The following NBEA variants were observed in gnomAD, a reference collection of about 807,000 sequenced individuals.
NBEA encodes the protein neurobeachin.
Under a neutral mutation model 343.4 loss-of-function variants are expected in NBEA, and 44 were observed. That is an observed-to-expected ratio of 0.13 (90% CI 0.10 to 0.16). The LOEUF is 0.16. NBEA is among the 10% of genes least tolerant of loss of function. NBEA has a pLI of 1.00. For missense variants in NBEA, 2,555 were observed against 3,631.3 expected (o/e 0.70, Z 7.62); for synonymous variants, 1,175 against 1,238.7 (o/e 0.95, Z 1.08).
At chr13:35,373,358 G>C (rs989126350) in intron 38 of NBEA, among the ~76,000 whole-genome samples, 2 of 152,114 alleles carry the variant, frequency 1.3e-5, no homozygotes, top group African/African-American at 4.8e-5. Flanking sequence ...AATGTTATAT[G>C]TGTTATATAC....
chr13:35,549,094 G>A (rs1267590408), intron 41 of NBEA, among the ~76,000 whole-genome samples: 1 of 152,160 alleles, frequency 6.6e-6, no homozygotes, highest in Non-Finnish European at 1.5e-5. Flanking sequence ...CAAGAGTTAA[G>A]TAGGAGTCTG....
intron 38 of NBEA, among the ~76,000 whole-genome samples, chr13:35,393,456 T>A (rs1413136088): frequency 2.0e-5 from 3 of 152,158 alleles, no homozygotes. Flanking sequence ...TCCTTTGGTA[T>A]GCTTTTTTCT....
chr13:35,441,274 C>T (rs2045724500), intron 39 of NBEA, among the ~76,000 whole-genome samples: 2 of 152,082 alleles, frequency 1.3e-5, no homozygotes, highest in African/African-American at 2.4e-5. Context: ...TTTATTGTCT[C>T]CATTTATTTT....
At chr13:35,288,550 T>C (rs1257237404) in intron 34 of NBEA, among the ~76,000 whole-genome samples, 1 of 151,972 alleles carries the variant, frequency 6.6e-6, no homozygotes, top group Non-Finnish European at 1.5e-5. Context: ...AAAGCATTAA[T>C]GAAGCATTTG....
chr13:35,156,097 G>A lies in NBEA; in HGVS notation c.2542G>A (p.Val848Met). The part of the protein sequence containing the change: ...KIQNPMILKV[V>M]ATLLKNSTPS... Reference sequence around the variant, plus strand: ...TTTGTTTACAGTGATTCTTAAAGTGGTGGCAACTTTGTTAAAAAACTCTAC... The same window carrying A: ...TTTGTTTACAGTGATTCTTAAAGTGATGGCAACTTTGTTAAAAAACTCTAC... The change falls in exon 20 of 59, where the codon GTG becomes ATG. Residue 848 changes from valine (V) to methionine (M), a missense_variant. Physicochemically the swap from Val to Met is conservative, Grantham distance 21 (BLOSUM62 1). Transcript: ENST00000379939. 3 of 1,582,096 alleles carry A rather than the reference G, an allele frequency of 1.9e-6. No homozygotes were observed. Among genetic ancestry groups the A allele is most frequent in the Non-Finnish European group, 2.6e-6 (3 of 1,169,256 alleles).
intron 35 of NBEA, among the ~76,000 whole-genome samples, chr13:35,308,528 ATATG>A (rs1420409135): frequency 8.0e-6 from 1 of 124,990 alleles, no homozygotes; most frequent in African/African-American, 3.0e-5. Flanking sequence ...ATATGTATAT[ATATG>A]TATATATGTA....
chr13:35,544,348 CA>C (rs1203104905), intron 41 of NBEA, among the ~76,000 whole-genome samples: 1 of 151,334 alleles, frequency 6.6e-6, no homozygotes, highest in Non-Finnish European at 1.5e-5. Flanking sequence ...GATTTGAGAT[CA>C]GCAAAGCTAT....
intron 33 of NBEA, among the ~76,000 whole-genome samples, chr13:35,231,685 A>G (rs544580711): frequency 2.2e-4 from 33 of 152,100 alleles, no homozygotes; most frequent in Non-Finnish European, 4.7e-4. Flanking sequence ...CTCACTGGGT[A>G]GGTACTGCAA....
chr13:35,664,801 A>G (rs986793668), intron 55 of NBEA, among the ~76,000 whole-genome samples: 1 of 152,262 alleles, frequency 6.6e-6, no homozygotes, highest in Non-Finnish European at 1.5e-5. Context: ...GTTTCATAAC[A>G]ATAATGGAAG....
intron 41 of NBEA, among the ~76,000 whole-genome samples, chr13:35,521,776 C>G (rs1014421428): frequency 6.6e-6 from 1 of 152,300 alleles, no homozygotes; most frequent in African/African-American, 2.4e-5. Context: ...TCTAAATCAG[C>G]TCTGGTCAGA....
intron 31 of NBEA, 21 bp downstream of exon 31, chr13:35,196,323 T>C (rs1377600573): frequency 1.9e-6 from 3 of 1,575,512 alleles, no homozygotes; most frequent in Admixed American, 1.9e-5. Context: ...AACTTATTAT[T>C]CACAGGGCTT....
intron 34 of NBEA, among the ~76,000 whole-genome samples, chr13:35,278,391 C>T (rs1310829476): frequency 6.6e-6 from 1 of 152,000 alleles, no homozygotes; most frequent in African/African-American, 2.4e-5. Flanking sequence ...ATGTAATTGA[C>T]CATTTTATGT....
intron 17 of NBEA, among the ~76,000 whole-genome samples, chr13:35,135,376 C>G (rs1417857773): frequency 1.3e-5 from 2 of 151,892 alleles, no homozygotes; most frequent in African/African-American, 4.8e-5. Context: ...CTTCTTACTA[C>G]AGAATAATAT....
chr13:35,498,380 G>A (rs563236390), intron 41 of NBEA, among the ~76,000 whole-genome samples: 10 of 151,916 alleles, frequency 6.6e-5, no homozygotes, highest in Non-Finnish European at 1.3e-4. Flanking sequence ...CTAGGACAAG[G>A]GATCCACAGG....
At chr13:35,236,377 T>C (rs2075230221) in intron 34 of NBEA, among the ~76,000 whole-genome samples, 1 of 152,194 alleles carries the variant, frequency 6.6e-6, no homozygotes, top group East Asian at 1.9e-4. Context: ...TCCTTGTTTT[T>C]GTACAGCTCT....
intron 7 of NBEA, among the ~76,000 whole-genome samples, chr13:35,057,651 C>G (rs2063319798): frequency 6.6e-6 from 1 of 152,056 alleles, no homozygotes; most frequent in Non-Finnish European, 1.5e-5. Flanking sequence ...TGCTTTTTAT[C>G]TTCTCTCCAG....
intron 1 of NBEA, among the ~76,000 whole-genome samples, chr13:35,027,274 T>C (rs1460906856): frequency 6.6e-6 from 1 of 152,108 alleles, no homozygotes; most frequent in East Asian, 1.9e-4. Context: ...AGTAGTGAAA[T>C]TACTTGATAA....
At chr13:35,230,079 G>A (rs906659447) in intron 33 of NBEA, among the ~76,000 whole-genome samples, 2 of 151,986 alleles carry the variant, frequency 1.3e-5, no homozygotes, top group Non-Finnish European at 2.9e-5. Context: ...ATACGTAAGA[G>A]CAACATTTAC....
intron 1 of NBEA, among the ~76,000 whole-genome samples, chr13:34,951,351 T>C (rs1167819832): frequency 6.6e-6 from 1 of 152,232 alleles, no homozygotes; most frequent in African/African-American, 2.4e-5. Flanking sequence ...ATAAGATAGA[T>C]ATACAGGTTG....
Sources: allele counts gnomAD v4.1 joint callset (sites outside exome capture counted in the v4.1 genomes callset), GRCh38; gene constraint gnomAD v4.1.1; transcripts MANE v1.5; gene names NCBI Gene and HGNC (gene_info 2026-07-23, HGNC 2026-07-21).